The following MYH7B variants were observed in gnomAD, a reference collection of about 807,000 sequenced individuals.
The protein encoded by MYH7B is myosin-7B.
MYH7B carries 205 observed loss-of-function variants against 234.5 expected under a neutral mutation model. The ratio of observed to expected loss-of-function variants is 0.87; its 90% CI spans 0.78 to 0.98. MYH7B has a LOEUF of 0.98. MYH7B is among the 50% of genes least tolerant of loss of function. The pLI, the probability that MYH7B is intolerant of heterozygous loss-of-function variation, is 0.00. For missense variants in MYH7B, 2,652 were observed against 2,633.4 expected (o/e 1.01, Z -0.15); for synonymous variants, 1,193 against 1,105.0 (o/e 1.08, Z -1.58).
chr20:34,991,611 GA>G (rs2082152872), intron 24 of MYH7B, among the ~76,000 whole-genome samples: 1 of 152,190 alleles, frequency 6.6e-6, no homozygotes, highest in Non-Finnish European at 1.5e-5. Flanking sequence ...GCAGCGGGCA[GA>G]AAGGATGCAG....
exon 22 of MYH7B, chr20:34,990,260 G>A (rs1180755249): frequency 6.2e-7 from 1 of 1,614,070 alleles, no homozygotes; most frequent in African/African-American, 1.3e-5. Flanking sequence ...TGGGGTGAAA[G>A]AGAAGCGTAA....
rs753546181 is a variant in MYH7B at position 34,999,309 on chromosome 20, C to T, written c.4444C>T (p.Arg1482Cys). Residue 1482 changes from arginine to cysteine, a missense_variant, in exon 36 of 45, where the codon CGT (arginine) becomes TGT (cysteine). Physicochemically the swap from Arg to Cys is radical, Grantham distance 180 (BLOSUM62 -3). Transcript: ENST00000262873. ...GCTGGAGGCGGCACAGAGGGAGTCC[C>T]GTGGCCTGGGCACCGAGCTCTTCCG... The T allele has an allele frequency of 4.0e-5, 64 of 1,580,618 alleles. No individual in the cohort carries two copies. The highest frequency in any genetic ancestry group is 4.8e-5 in the Non-Finnish European group (56 of 1,162,520).
Position 34,976,826 on chromosome 20 carries a change from A to G in MYH7B, c.-121-806A>G, listed in dbSNP as rs2081859841. On this transcript the variant is annotated intron_variant, in intron 3 of 44. Coordinates refer to ENST00000262873, the Ensembl canonical transcript of MYH7B. ...AATGCACAAGTGTGCCAGATAAAAT[A>G]TAGAGAAATAAGTGCAAAGCTACAT... is the stretch of plus-strand genomic sequence containing the variant. Among the ~76,000 whole-genome samples, 2 of 152,230 alleles carry G rather than the reference A, an allele frequency of 1.3e-5. 1 individual carries two copies. The highest frequency in any genetic ancestry group is 2.9e-5 in the Non-Finnish European group (2 of 68,038).
At chr20:34,980,535 C>G (rs1486124782) in intron 7 of MYH7B, 43 bp from the exon 8 acceptor site, 13 of 1,546,816 alleles carry the variant, frequency 8.4e-6, no homozygotes, top group Non-Finnish European at 1.2e-5. Context: ...AAGACTCCAT[C>G]TCAAAAACAA....
exon 41 of MYH7B, chr20:35,001,031 G>A: frequency 3.1e-6 from 5 of 1,613,852 alleles, no homozygotes; most frequent in Non-Finnish European, 4.2e-6. Flanking sequence ...CAGGACACAA[G>A]TGCACACCTG....
intron 11 of MYH7B, 66 bp downstream of exon 11, chr20:34,984,781 G>A: frequency 6.3e-7 from 1 of 1,597,714 alleles, no homozygotes; most frequent in Non-Finnish European, 8.6e-7. Context: ...ACAACAGAGG[G>A]GCCACGGGTG....
At chr20:34,984,647 C>T in intron 10 of MYH7B, 45 bp from the exon 11 acceptor site, 1 of 1,588,986 alleles carries the variant, frequency 6.3e-7, no homozygotes, top group Non-Finnish European at 8.6e-7. Context: ...CGCCCTTCCC[C>T]ACCGGAGGCC....
At chr20:34,983,248 T>G (rs1341232868) in intron 10 of MYH7B, among the ~76,000 whole-genome samples, 2 of 127,922 alleles carry the variant, frequency 1.6e-5, no homozygotes, top group African/African-American at 2.7e-5. Flanking sequence ...TCCCCTGTTT[T>G]CTTTCTTTCT....
chr20:34,965,421 C>T (rs780361572), intron 2 of MYH7B, among the ~76,000 whole-genome samples: 7 of 152,194 alleles, frequency 4.6e-5, no homozygotes, highest in South Asian at 2.1e-4. Flanking sequence ...GGGAGCAGAG[C>T]GAGAGGCCGC....
chr20:34,994,285 G>A, exon 27 of MYH7B: 1 of 1,612,152 alleles, frequency 6.2e-7, no homozygotes, highest in Non-Finnish European at 8.5e-7. Context: ...CCTGCGGGCA[G>A]AGCTGCGGGG....
chr20:34,989,832 G>A (rs200292223), exon 20 of MYH7B: 22 of 1,614,036 alleles, frequency 1.4e-5, no homozygotes, highest in African/African-American at 4.0e-5. Flanking sequence ...ACAACCACGC[G>A]GGGAAGTCAC....
rs772638202 is a variant in MYH7B, at chr20:34,996,730, A to G, written c.3238A>G (p.Lys1080Glu). 36 of 1,612,784 alleles carry G rather than the reference A, an allele frequency of 2.2e-5. No individual in the cohort carries two copies. The East Asian group carries it at 8.0e-4, about 36-fold the overall frequency. The change falls in exon 30 of 45, where the codon AAG becomes GAG. Residue 1080 changes from lysine to glutamate, a missense_variant. Transcript: ENST00000262873. ...GTCGGTGGCTGATGCTGCTCAAGAC[A>G]AGCAGCAGCTGGAGGAGAAGCTCAA...
chr20:34,990,586 A>ATC (rs2082126718), intron 22 of MYH7B, 152 bp from the exon 23 acceptor site: 1 of 769,114 alleles, frequency 1.3e-6, no homozygotes, highest in African/African-American at 1.7e-5. Context: ...GATGGGAGAC[A>ATC]GCGAAGGGTC....
intron 20 of MYH7B, 31 bp from the exon 21 acceptor site, chr20:34,989,983 C>T (rs1569047968): frequency 6.2e-7 from 1 of 1,613,510 alleles, no homozygotes. Flanking sequence ...AGGTCTCCCA[C>T]CCGGGCTCAG....
At chr20:34,957,103 G>A (rs1469294920) in intron 1 of MYH7B, among the ~76,000 whole-genome samples, 1 of 152,160 alleles carries the variant, frequency 6.6e-6, no homozygotes, top group Non-Finnish European at 1.5e-5. Flanking sequence ...AGGGTTGCTC[G>A]GCTTGTTTTA....
At chr20:34,978,450 G>A (rs1354804730) in intron 5 of MYH7B, among the ~76,000 whole-genome samples, 2 of 152,310 alleles carry the variant, frequency 1.3e-5, no homozygotes, top group East Asian at 3.9e-4. Flanking sequence ...AACTTGTGCT[G>A]GGGTTATTTT....
At chr20:34,968,526 G>A (rs1179311789) in intron 2 of MYH7B, among the ~76,000 whole-genome samples, 1 of 152,212 alleles carries the variant, frequency 6.6e-6, no homozygotes, top group Non-Finnish European at 1.5e-5. Flanking sequence ...CCTCCAGGCT[G>A]GCCTCCCAGG....
intron 19 of MYH7B, 37 bp downstream of exon 19, chr20:34,988,299 G>GGT (rs1437155573): frequency 6.3e-7 from 1 of 1,589,472 alleles, no homozygotes; most frequent in Middle Eastern, 1.7e-4. Context: ...AGGAAGGGAG[G>GGT]GTGTGTGTGG....
chr20:34,989,739 G>A lies in MYH7B; in HGVS notation c.1588-1G>A, dbSNP rs1199520355. The A allele has an allele frequency of 6.2e-7, 1 of 1,613,464 alleles. No homozygotes were observed. The highest frequency in any genetic ancestry group is 2.2e-5 in the East Asian group (1 of 44,884). On this transcript the variant is annotated splice_acceptor_variant, in intron 19 of 44. Transcript: ENST00000262873. LOFTEE classifies it high-confidence loss of function. Reference sequence around the variant, plus strand: ...GCTTTTCAAGCTCGTTCTGTTCCCAGCCACTGGGCATCCTGTCCATCCTGG... The same window carrying A: ...GCTTTTCAAGCTCGTTCTGTTCCCAACCACTGGGCATCCTGTCCATCCTGG...
Sources: gnomAD v4.1 joint callset for allele counts (sites outside exome capture counted in the v4.1 genomes callset) on GRCh38, gnomAD v4.1.1 for gene constraint, MANE v1.5 for transcripts, NCBI Gene and HGNC (gene_info 2026-07-23, HGNC 2026-07-21) for gene names.